The following MYO18A variants were observed in gnomAD, a reference collection of about 807,000 sequenced individuals.
MYO18A encodes unconventional myosin-XVIIIa.
A neutral mutation model predicts 235.8 loss-of-function variants in MYO18A; 78 were observed. That is an observed-to-expected ratio of 0.33 (90% CI 0.28 to 0.40). The LOEUF is 0.40. MYO18A is among the 10% of genes least tolerant of loss of function. The pLI, the probability that MYO18A is intolerant of heterozygous loss-of-function variation, is 1.00. For synonymous variants in MYO18A, 977 were observed against 1,077.8 expected, an observed-to-expected ratio of 0.91 and a Z score of 1.83; for missense variants, 2,215 against 2,699.3, an observed-to-expected ratio of 0.82 and a Z score of 3.98.
intron 37 of MYO18A, among the ~76,000 whole-genome samples, chr17:29,087,442 G>A (rs1301200519): frequency 6.6e-6 from 1 of 151,958 alleles, no homozygotes; most frequent in African/African-American, 2.4e-5. Flanking sequence ...GGGCCTGTCG[G>A]TATTGACACT....
At chr17:29,134,798 C>T (rs1252649392) in intron 2 of MYO18A, among the ~76,000 whole-genome samples, 1 of 152,208 alleles carries the variant, frequency 6.6e-6, no homozygotes, top group Non-Finnish European at 1.5e-5. Context: ...GCTGGGATTA[C>T]AGGTGTGAGC....
chr17:29,130,093 T>A (rs1451027361), intron 2 of MYO18A, among the ~76,000 whole-genome samples: 10 of 152,060 alleles, frequency 6.6e-5, no homozygotes, highest in African/African-American at 2.4e-4. Flanking sequence ...ACTCAGGAGT[T>A]CAACACCAGC....
rs1214938400 is a variant in MYO18A at position 29,074,110 on chromosome 17, CT to C, written c.*659del. On this transcript the variant is annotated 3_prime_UTR_variant, in exon 42 of 42. Coordinates refer to ENST00000527372, the MANE Select transcript of MYO18A (RefSeq NM_078471.4). The surrounding 1 kb of genome is among the most constrained non-coding windows in gnomAD (Gnocchi z 4.4). The stretch of plus-strand genomic sequence containing the variant: ...CCGGAGAGCCCCTCCGCACCTCATT[CT>C]TAAGAACCTGGACCCGGCTCTCCTC... 6.2e-7 allele frequency: 1 copy of C among 1,613,912 alleles called. No homozygotes were observed. The highest frequency in any genetic ancestry group is 8.5e-7 in the Non-Finnish European group (1 of 1,180,024).
In MYO18A at chr17:29,090,517, G is replaced by A. The variant is rs757259955; in HGVS notation, c.5388+15C>T. 2 of 1,574,800 alleles carry A rather than the reference G, an allele frequency of 1.3e-6. No homozygotes were observed. The highest frequency in any genetic ancestry group is 1.7e-6 in the Non-Finnish European group (2 of 1,158,216). ...CTGGCACTCTCTCTCTCCTGAGGGA[G>A]CCCCTGGTCCTCACCTTCTCCTGCA... On this transcript the variant is annotated intron_variant, in intron 36 of 41. Transcript: ENST00000527372.
intron 14 of MYO18A, chr17:29,114,335 A>G (rs1234175991): frequency 5.9e-6 from 3 of 508,252 alleles, no homozygotes; most frequent in Admixed American, 3.3e-5. Context: ...CTCATTACTC[A>G]CATGAGTTGA....
Position 29,074,556 on chromosome 17 carries a change from G to C in MYO18A, c.*214C>G. On this transcript the variant is annotated 3_prime_UTR_variant, in exon 42 of 42. Transcript: ENST00000527372. The surrounding 1 kb of genome is among the most constrained non-coding windows in gnomAD (Gnocchi z 4.4). ...GCATTTTGAGACAGAGGAGCAAAAA[G>C]TTCTCTTCAGAAACTCCTCTTTCCC... 3.3e-6 allele frequency: 2 copies of C among 605,790 alleles called. No homozygotes were observed. Among genetic ancestry groups the C allele is most frequent in the South Asian group, 2.3e-5 (1 of 43,346 alleles). The allele number at this position is 605,790 out of a possible 1,614,324, so 37.5% of individuals were successfully genotyped here. A position where few individuals can be genotyped will look rare whatever the true frequency, so the allele number is the denominator to read the frequency against.
chr17:29,177,810 C>A (rs1405032424), intron 1 of MYO18A, among the ~76,000 whole-genome samples: 2 of 152,192 alleles, frequency 1.3e-5, no homozygotes, highest in Non-Finnish European at 2.9e-5. Context: ...CAAAACCCAG[C>A]TCACGTGGAT....
At chr17:29,127,945 C>T (rs532845013) in intron 2 of MYO18A, 26 of 999,962 alleles carry the variant, frequency 2.6e-5, no homozygotes, top group Middle Eastern at 5.1e-4. Flanking sequence ...CCAGCTCTTC[C>T]GGTGGGGCTG....
chr17:29,075,178 G>A (rs928664544), intron 41 of MYO18A: 40 of 394,980 alleles, frequency 1.0e-4, no homozygotes, highest in Non-Finnish European at 1.6e-4. Context: ...TCTGATGCAG[G>A]TTCCTGGGCC....
intron 2 of MYO18A, among the ~76,000 whole-genome samples, chr17:29,144,550 G>A (rs916226538): frequency 6.6e-6 from 1 of 152,192 alleles, no homozygotes; most frequent in Non-Finnish European, 1.5e-5. Flanking sequence ...TGACCTAAGG[G>A]AAAGTTACTT....
At position 29,103,636 on chromosome 17, in the gene MYO18A, T is replaced by C. The variant is rs2066710824; in HGVS notation, c.3470A>G (p.Asp1157Gly). The C allele has an allele frequency of 6.2e-7, 1 of 1,613,804 alleles. No individual in the cohort carries two copies. The highest frequency in any genetic ancestry group is 1.1e-5 in the South Asian group (1 of 91,086). Residue 1157 changes from aspartate (D) to glycine (G), a missense_variant, in exon 21 of 42, where the codon GAT (aspartate) becomes GGT (glycine). Coordinates refer to ENST00000527372, the MANE Select transcript of MYO18A (RefSeq NM_078471.4). Reference sequence around the variant, plus strand: ...CATGCAGCAGCTGCTCTTCTCCAGATCCAAGCACTCCAGCAGCTCCTCCAC... The same window carrying C: ...CATGCAGCAGCTGCTCTTCTCCAGACCCAAGCACTCCAGCAGCTCCTCCAC... ...RAVEELLECL[D>G]LEKSSCCMGL...
rs377071003 is a variant in MYO18A at position 29,126,074 on chromosome 17, G to A, written c.1000-3821C>T. On this transcript the variant is annotated intron_variant, in intron 2 of 41. Transcript: ENST00000527372. This position sits in a 1 kb window ranked among gnomAD's most constrained non-coding sequence, Gnocchi z 4.1. ...GGACCCACTAGGGAAGGGGAGCAGCGCCAGGGAGCAAGCCGCGCGGCAATC... is the reference window on the plus strand; with the variant it reads ...GGACCCACTAGGGAAGGGGAGCAGCACCAGGGAGCAAGCCGCGCGGCAATC... 5.4e-4 allele frequency: 261 copies of A among 487,798 alleles called. 2 individuals are homozygous for A. Among genetic ancestry groups the A allele is most frequent in the African/African-American group, 5.2e-3 (249 of 48,034 alleles). The allele number at this position is 487,798 out of a possible 1,614,324, so 30.2% of individuals were successfully genotyped here. A position where few individuals can be genotyped will look rare whatever the true frequency, so the allele number is the denominator to read the frequency against.
In MYO18A at chr17:29,140,539, GGA is replaced by G. The variant is rs1289482761; in HGVS notation, c.1000-18288_1000-18287del. 1 of 592,908 alleles carries G rather than the reference GGA, an allele frequency of 1.7e-6. No individual in the cohort carries two copies. The highest frequency in any genetic ancestry group is 2.4e-6 in the Non-Finnish European group (1 of 411,230). The allele number at this position is 592,908 out of a possible 1,614,324, so 36.7% of individuals were successfully genotyped here. A position where few individuals can be genotyped will look rare whatever the true frequency, so the allele number is the denominator to read the frequency against. ...CTTCGGGTATCAGGTATGCCAGGAG[GGA>G]GAGGGTGATACAGCAGTGTGTGTGG... On this transcript the variant is annotated intron_variant, in intron 2 of 41. Coordinates refer to ENST00000527372, the MANE Select transcript of MYO18A (RefSeq NM_078471.4). This position sits in a 1 kb window ranked among gnomAD's most constrained non-coding sequence, Gnocchi z 4.2.
In MYO18A at chr17:29,091,652, A is replaced by G. The variant is rs759334502; in HGVS notation, c.5187+691T>C. ...CACCTGAGAACTGCTGAGGAGCACA[A>G]ATGTCATGGGGATAAATCAAGCCCG... On this transcript the variant is annotated intron_variant, in intron 34 of 41. Coordinates refer to ENST00000527372, the MANE Select transcript of MYO18A (RefSeq NM_078471.4). The G allele has an allele frequency of 1.1e-5, 5 of 455,056 alleles. 1 individual carries two copies. The highest frequency in any genetic ancestry group is 7.7e-5 in the South Asian group (5 of 64,520). The allele number at this position is 455,056 out of a possible 1,614,324, so 28.2% of individuals were successfully genotyped here.
rs1198936798 is a variant in MYO18A at position 29,086,499 on chromosome 17, C to A, written c.5791G>T (p.Asp1931Tyr). The A allele has an allele frequency of 2.5e-6, 4 of 1,611,540 alleles. No homozygotes were observed. The highest frequency in any genetic ancestry group is 3.4e-6 in the Non-Finnish European group (4 of 1,178,866). The part of the protein sequence containing the change: ...DLKLAFKRIG[D>Y]LQAAIEDEME... ...TCATCCTCAATGGCAGCCTGCAGGT[C>A]CCCGATGCGCTTGAATGCCAACTTT... Residue 1931 changes from aspartate (D) to tyrosine (Y), a missense_variant, in exon 39 of 42, where the codon GAC (aspartate) becomes TAC (tyrosine). Asp to Tyr is a radical substitution (Grantham distance 160). Transcript: ENST00000527372.
At chr17:29,098,478 A>G in intron 23 of MYO18A, 33 bp from the exon 24 acceptor site, 1 of 1,611,910 alleles carries the variant, frequency 6.2e-7, no homozygotes, top group Non-Finnish European at 8.5e-7. Context: ...AAGTGAGCCA[A>G]AGGCACTGCG....
At chr17:29,081,012 C>T in intron 41 of MYO18A, 1 of 985,392 alleles carries the variant, frequency 1.0e-6, no homozygotes, top group African/African-American at 1.7e-5. Flanking sequence ...TGTTGAGGGC[C>T]GTTCCGAGGG....
Position 29,090,629 on chromosome 17 carries a change from G to A in MYO18A, c.5305-14C>T, listed in dbSNP as rs373602835. 2 of 1,593,716 alleles carry A rather than the reference G, an allele frequency of 1.3e-6. No individual in the cohort carries two copies. The highest frequency in any genetic ancestry group is 1.7e-6 in the Non-Finnish European group (2 of 1,169,354). On this transcript the variant is annotated splice_polypyrimidine_tract_variant and intron_variant, in intron 35 of 41. Coordinates refer to ENST00000527372, the MANE Select transcript of MYO18A (RefSeq NM_078471.4). ...GTCCCGGGAAGCCTGGGAAAGGAAT[G>A]AGAGCATCAGAAGCAGGATCCCCCA...
chr17:29,171,651 T>C (rs2068406504), intron 1 of MYO18A, among the ~76,000 whole-genome samples: 1 of 152,082 alleles, frequency 6.6e-6, no homozygotes, highest in South Asian at 2.1e-4. Flanking sequence ...TCCCAACACT[T>C]TGGGAGGCCG....
Sources: gnomAD v4.1 joint callset for allele counts (sites outside exome capture counted in the v4.1 genomes callset) on GRCh38, gnomAD v4.1.1 for gene constraint, Gnocchi (gnomAD v3.1) non-coding constraint, MANE v1.5 for transcripts, NCBI Gene and HGNC (gene_info 2026-07-23, HGNC 2026-07-21) for gene names.